LDHC: variants seen among roughly 807,000 people sequenced by gnomAD.
The protein encoded by LDHC is lactate dehydrogenase C, also known as L-lactate dehydrogenase C chain.
LDHC carries 20 observed loss-of-function variants against 30.2 expected under a neutral mutation model. That is an observed-to-expected ratio of 0.66 (90% confidence interval 0.47 to 0.96). LDHC has a LOEUF of 0.96. LDHC is among the 40% of genes least tolerant of loss of function. LDHC has a pLI of 0.00. For synonymous variants in LDHC, 139 were observed against 132.7 expected (o/e 1.05, Z -0.32); for missense variants, 362 against 394.9 (o/e 0.92, Z 0.71).
intron 7 of LDHC, among the ~76,000 whole-genome samples, chr11:18,449,255 A>G (rs1261649549): frequency 6.6e-6 from 1 of 151,662 alleles, no homozygotes; most frequent in African/African-American, 2.4e-5. Flanking sequence ...TGGGCAACAT[A>G]ACAAGACTCC....
Position 18,429,866 on chromosome 11 carries a change from T to A in LDHC, c.374T>A (p.Val125Asp). 1 of 1,611,932 alleles carries A rather than the reference T, an allele frequency of 6.2e-7. No individual in the cohort carries two copies. Among genetic ancestry groups the A allele is most frequent in the Non-Finnish European group, 8.5e-7 (1 of 1,178,374 alleles). The change falls in exon 4 of 8, where the codon GTC becomes GAC. Residue 125 changes from valine (V) to aspartate (D), a missense_variant. Transcript: ENST00000541669. Reference sequence around the variant, plus strand: ...ATGAAATCAATCATTCCTGCCATAGTCCATTATAGTCCTGATTGTAAAATT... The same window carrying A: ...ATGAAATCAATCATTCCTGCCATAGACCATTATAGTCCTGATTGTAAAATT... ...AIMKSIIPAI[V>D]HYSPDCKILV...
intron 7 of LDHC, among the ~76,000 whole-genome samples, chr11:18,449,729 G>A (rs1234278085): frequency 1.3e-5 from 2 of 152,158 alleles, no homozygotes; most frequent in Non-Finnish European, 2.9e-5. Context: ...CCCTCTGTGG[G>A]GAGAAGTTAC....
rs1391861262 is a variant in LDHC, at chr11:18,451,319, C to T, written c.*192C>T. 2.3e-6 allele frequency: 1 copy of T among 430,304 alleles called. No homozygotes were observed. 26.7% of individuals were successfully genotyped at this position (430,304 alleles called of 1,614,324 possible). On this transcript the variant is annotated 3_prime_UTR_variant, in exon 8 of 8. Coordinates refer to ENST00000541669, the MANE Select transcript of LDHC (RefSeq NM_017448.5). ...TTTCCTCTTTAAGAATCATTTATAGCTCTATTCTAATGATACCCAATCTGT... is the reference window on the plus strand; with the variant it reads ...TTTCCTCTTTAAGAATCATTTATAGTTCTATTCTAATGATACCCAATCTGT...
chr11:18,413,143 G>A (rs981547117), intron 2 of LDHC, among the ~76,000 whole-genome samples: 8 of 148,402 alleles, frequency 5.4e-5, no homozygotes, highest in African/African-American at 1.2e-4. Context: ...GTGCAGTGGC[G>A]CGATCTTGGC....
At chr11:18,429,138 T>TTTTTATTC (rs1848218601) in intron 3 of LDHC, among the ~76,000 whole-genome samples, 1 of 134,744 alleles carries the variant, frequency 7.4e-6, no homozygotes, top group Non-Finnish European at 1.6e-5. Context: ...TTTTTTTTTT[T>TTTTTATTC]TGAGACAGAG....
intron 6 of LDHC, among the ~76,000 whole-genome samples, chr11:18,444,038 T>C (rs1238824105): frequency 1.3e-5 from 2 of 152,196 alleles, no homozygotes; most frequent in Non-Finnish European, 2.9e-5. Context: ...TGATTTGCTG[T>C]TGTCTAACCA....
At chr11:18,420,037 AC>A (rs1399539055) in intron 3 of LDHC, among the ~76,000 whole-genome samples, 1 of 152,110 alleles carries the variant, frequency 6.6e-6, no homozygotes, top group African/African-American at 2.4e-5. Context: ...GTTGCAGTGA[AC>A]TGAGATGGCA....
rs1256188840 is a variant in LDHC, at chr11:18,451,331, G to A, written c.*204G>A. ...GAATCATTTATAGCTCTATTCTAAT[G>A]ATACCCAATCTGTACAGGTGTAAGT... On this transcript the variant is annotated 3_prime_UTR_variant, in exon 8 of 8. Coordinates refer to ENST00000541669, the MANE Select transcript of LDHC (RefSeq NM_017448.5). 1 of 401,326 alleles carries A rather than the reference G, an allele frequency of 2.5e-6. No homozygotes were observed. The highest frequency in any genetic ancestry group is 4.3e-6 in the Non-Finnish European group (1 of 229,928). The allele number at this position is 401,326 out of a possible 1,614,324, so 24.9% of individuals were successfully genotyped here. A position where few individuals can be genotyped will look rare whatever the true frequency, so the allele number is the denominator to read the frequency against.
At chr11:18,429,472 CAG>C (rs1224553353) in intron 3 of LDHC, among the ~76,000 whole-genome samples, 1 of 152,048 alleles carries the variant, frequency 6.6e-6, no homozygotes, top group African/African-American at 2.4e-5. Context: ...CTTCATAACA[CAG>C]GGGAATTTGG....
rs778670839 is a variant in LDHC, at chr11:18,450,989, CTT to C, written c.863_864del (p.Phe288SerfsTer19). 4 of 1,590,004 alleles carry C rather than the reference CTT, an allele frequency of 2.5e-6. No homozygotes were observed. In the African/African-American group the frequency reaches 4.1e-5, roughly 16 times the overall value. ...GATTATATGGAATAAAAGAAGAACTCTTTCTCAGTATCCCTTGTGTCTTGGGG... is the reference window on the plus strand; with the variant it reads ...GATTATATGGAATAAAAGAAGAACTCTCTCAGTATCCCTTGTGTCTTGGGG... ...KGLYGIKEEL[F>X]LSIPCVLGRN... On this transcript the variant is annotated frameshift_variant, in exon 8 of 8. Coordinates refer to ENST00000541669, the MANE Select transcript of LDHC (RefSeq NM_017448.5). LOFTEE classifies it low-confidence loss of function (END_TRUNC).
At chr11:18,434,593 G>A (rs2658549) in intron 4 of LDHC, 147 bp from the exon 5 acceptor site, 510,770 of 573,856 alleles carry the variant, frequency 0.89, 227,604 homozygotes, top group East Asian at 0.95. Flanking sequence ...GATAACAGGC[G>A]TGAGCCACCG....
intron 6 of LDHC, among the ~76,000 whole-genome samples, chr11:18,441,144 C>A (rs867348010): frequency 6.6e-6 from 1 of 150,828 alleles, no homozygotes; most frequent in Admixed American, 6.6e-5. Context: ...AAACAAAAAA[C>A]AACAACAACA....
intron 1 of LDHC, 55 bp from the exon 2 acceptor site, chr11:18,412,654 A>G (rs1866913484): frequency 1.3e-6 from 2 of 1,490,602 alleles, no homozygotes; most frequent in Middle Eastern, 1.8e-4. Context: ...CTGAAGAGGT[A>G]GTTTCTTAGA....
rs145159095 is a variant in LDHC, at chr11:18,437,958, G to A, written c.593-570G>A. On this transcript the variant is annotated intron_variant, in intron 5 of 7. Coordinates refer to ENST00000541669, the MANE Select transcript of LDHC (RefSeq NM_017448.5). ...CACACACCTGTAATCCCAGCTGCTCGGGAGGCTGAAACAGAAGAATCCCTT... is the reference window on the plus strand; with the variant it reads ...CACACACCTGTAATCCCAGCTGCTCAGGAGGCTGAAACAGAAGAATCCCTT... 9.7e-3 allele frequency among the ~76,000 whole-genome samples: 1,477 copies of A among 152,090 alleles called. 28 individuals carry two copies. Among genetic ancestry groups the A allele is most frequent in the African/African-American group, 0.034 (1,429 of 41,478 alleles).
Position 18,451,276 on chromosome 11 carries a change from A to G in LDHC, c.*149A>G. On this transcript the variant is annotated 3_prime_UTR_variant, in exon 8 of 8. Transcript: ENST00000541669. ...ACTCTAGTCTCTCAAGATTAGAACG[A>G]GCAAATGGTAAAGAGATTTTCCTCT... The G allele has an allele frequency of 5.9e-6, 3 of 512,662 alleles. No individual in the cohort carries two copies. The highest frequency in any genetic ancestry group is 9.9e-6 in the Non-Finnish European group (3 of 302,282). 31.8% of individuals were successfully genotyped at this position (512,662 alleles called of 1,614,324 possible). A position where few individuals can be genotyped will look rare whatever the true frequency, so the allele number is the denominator to read the frequency against.
chr11:18,423,202 T>G (rs1848099069), intron 3 of LDHC, among the ~76,000 whole-genome samples: 1 of 152,008 alleles, frequency 6.6e-6, no homozygotes. Context: ...GGCACACACC[T>G]GTAGTCCCAG....
Position 18,422,666 on chromosome 11 carries a change from G to A in LDHC, c.245-7071G>A, listed in dbSNP as rs150552305. On this transcript the variant is annotated intron_variant, in intron 3 of 7. Transcript: ENST00000541669. ...GGAAATACCTGGCATAAGAGCTTTT[G>A]TGCAGAAAACATACCACCTCATTAG... is the stretch of plus-strand genomic sequence containing the variant. Among the ~76,000 whole-genome samples the A allele has an allele frequency of 6.6e-4, 101 of 151,988 alleles. 2 individuals are homozygous for A. Among genetic ancestry groups the A allele is most frequent in the African/African-American group, 2.3e-3 (95 of 41,382 alleles).
At chr11:18,441,600 C>T (rs1401527828) in intron 6 of LDHC, among the ~76,000 whole-genome samples, 3 of 150,046 alleles carry the variant, frequency 2.0e-5, no homozygotes, top group African/African-American at 4.8e-5. Flanking sequence ...CCACCACACC[C>T]GGCCCTTTAG....
At chr11:18,439,811 T>TAAAAAAAAAA (rs71047596) in intron 6 of LDHC, among the ~76,000 whole-genome samples, 12 of 64,184 alleles carry the variant, frequency 1.9e-4, no homozygotes, top group East Asian at 6.3e-4. Flanking sequence ...CCGTCTCTAC[T>TAAAAAAAAAA]AAAAAAAAAA....
Sources: allele counts gnomAD v4.1 joint callset (sites outside exome capture counted in the v4.1 genomes callset), GRCh38; gene constraint gnomAD v4.1.1; transcripts MANE v1.5; gene names NCBI Gene and HGNC (gene_info 2026-07-23, HGNC 2026-07-21).